Variants in SPATA17 observed in about 807,000 individuals in gnomAD.
SPATA17 encodes the protein spermatogenesis-associated protein 17.
SPATA17 carries 53 observed loss-of-function variants against 62.2 expected under a neutral mutation model. That is an observed-to-expected ratio of 0.85 (90% CI 0.68 to 1.07). The LOEUF is 1.07. SPATA17 is among the 50% of genes least tolerant of loss of function. The pLI is 0.00. For synonymous variants in SPATA17, 146 were observed against 146.8 expected (o/e 0.99, Z 0.04); for missense variants, 466 against 425.5 (o/e 1.10, Z -0.84).
intron 8 of SPATA17, among the ~76,000 whole-genome samples, chr1:217,788,443 A>G (rs990101742): frequency 6.6e-6 from 1 of 152,188 alleles, no homozygotes; most frequent in Non-Finnish European, 1.5e-5. Context: ...CTTATATAAT[A>G]AAAAGGTCTT....
chr1:217,799,034 A>G (rs907493608), intron 8 of SPATA17, among the ~76,000 whole-genome samples: 1 of 152,124 alleles, frequency 6.6e-6, no homozygotes, highest in Non-Finnish European at 1.5e-5. Flanking sequence ...TTTACTATAA[A>G]TCAAAGTGAT....
rs1669774133 is a variant in SPATA17 at position 217,631,543 on chromosome 1, C to G, written c.68+97C>G. On this transcript the variant is annotated intron_variant, in intron 1 of 10. Coordinates refer to ENST00000366933, the MANE Select transcript of SPATA17 (RefSeq NM_138796.4). Reference sequence around the variant, plus strand: ...TCCAATTAACGATTTAACGATTACCCTAATTCATTAAGTAGTACCCAATTC... The same window carrying G: ...TCCAATTAACGATTTAACGATTACCGTAATTCATTAAGTAGTACCCAATTC... The G allele has an allele frequency of 3.9e-6, 5 of 1,297,892 alleles. No homozygotes were observed. The South Asian group carries it at 6.1e-5, about 16-fold the overall frequency. 80.4% of individuals were successfully genotyped at this position (1,297,892 alleles called of 1,614,324 possible).
chr1:217,653,955 G>A (rs1037411201), intron 3 of SPATA17, among the ~76,000 whole-genome samples: 1 of 151,850 alleles, frequency 6.6e-6, no homozygotes, highest in African/African-American at 2.4e-5. Flanking sequence ...GGGTCCATTT[G>A]TCTCACAGGT....
In SPATA17 at chr1:217,854,640, T is replaced by G. The variant is rs554391841; in HGVS notation, c.1006-8134T>G. On this transcript the variant is annotated intron_variant, in intron 9 of 10. Coordinates refer to ENST00000366933, the MANE Select transcript of SPATA17 (RefSeq NM_138796.4). ...CCCTGATTTCTATCATTCCCCCAAATACTTTGAAACCCAGGTAATTGAATG... is the reference window on the plus strand; with the variant it reads ...CCCTGATTTCTATCATTCCCCCAAAGACTTTGAAACCCAGGTAATTGAATG... 5.3e-5 allele frequency among the ~76,000 whole-genome samples: 8 copies of G among 152,234 alleles called. No homozygotes were observed. The South Asian group carries it at 1.7e-3, about 32-fold the overall frequency.
chr1:217,669,545 A>G (rs10863335), intron 4 of SPATA17, among the ~76,000 whole-genome samples: 26,729 of 152,126 alleles, frequency 0.18, 3,294 homozygotes, highest in East Asian at 0.58. Context: ...TTAATGTGTT[A>G]TTTTCCTAAT....
chr1:217,774,910 T>G (rs933505692), intron 7 of SPATA17, among the ~76,000 whole-genome samples: 22 of 152,350 alleles, frequency 1.4e-4, no homozygotes, highest in African/African-American at 5.1e-4. Context: ...CATTTGGCAT[T>G]TGAGTTGCGA....
At position 217,683,264 on chromosome 1, in the gene SPATA17, A is replaced by G; in HGVS notation, c.298A>G (p.Arg100Gly). Reference sequence around the variant, plus strand: ...TCTTTATTTACTTTAATAGATTCAGAGACGATGGCGAGGCTATAGGGTTCG... The same window carrying G: ...TCTTTATTTACTTTAATAGATTCAGGGACGATGGCGAGGCTATAGGGTTCG... ...LYNAMAVRIQ[R>G]RWRGYRVRKY... is the part of the protein sequence containing the mutation. Residue 100 changes from arginine to glycine, a missense_variant, in exon 5 of 11, where the codon AGA (arginine) becomes GGA (glycine). Physicochemically the swap from Arg to Gly is moderately radical, Grantham distance 125 (BLOSUM62 -2). Coordinates refer to ENST00000366933, the MANE Select transcript of SPATA17 (RefSeq NM_138796.4). The G allele has an allele frequency of 6.3e-7, 1 of 1,599,088 alleles. No homozygotes were observed. Among genetic ancestry groups the G allele is most frequent in the South Asian group, 1.1e-5 (1 of 88,886 alleles).
chr1:217,723,857 A>G (rs1672196903), intron 5 of SPATA17, among the ~76,000 whole-genome samples: 1 of 152,240 alleles, frequency 6.6e-6, no homozygotes, highest in Non-Finnish European at 1.5e-5. Context: ...AGATTTTCCC[A>G]GGCAATCACC....
intron 9 of SPATA17, among the ~76,000 whole-genome samples, chr1:217,862,084 C>T (rs575641534): frequency 6.6e-6 from 1 of 151,510 alleles, no homozygotes; most frequent in Admixed American, 6.6e-5. Context: ...AAAAAAAACT[C>T]AGCCAAAATT....
intron 4 of SPATA17, among the ~76,000 whole-genome samples, chr1:217,680,548 A>G (rs910254378): frequency 6.6e-6 from 1 of 152,112 alleles, no homozygotes; most frequent in Non-Finnish European, 1.5e-5. Context: ...GATCTGGCAA[A>G]TAAGATCACT....
chr1:217,870,076 TA>T lies in SPATA17; in HGVS notation c.*3059del, dbSNP rs1403033092. 1.3e-5 allele frequency: 2 copies of T among 152,152 alleles called. No homozygotes were observed. Among genetic ancestry groups the T allele is most frequent in the Admixed American group, 6.6e-5 (1 of 15,256 alleles). The allele number at this position is 152,152 out of a possible 1,614,324, so 9.4% of individuals were successfully genotyped here. A position where few individuals can be genotyped will look rare whatever the true frequency, so the allele number is the denominator to read the frequency against. ...AAGTTCTTGGTTGTTTCTAAACTTA[TA>T]ACAAAATAAATAATTGGCCATCTTC... On this transcript the variant is annotated 3_prime_UTR_variant, in exon 11 of 11. Coordinates refer to ENST00000366933, the MANE Select transcript of SPATA17 (RefSeq NM_138796.4).
intron 1 of SPATA17, among the ~76,000 whole-genome samples, chr1:217,636,280 T>G (rs1285731774): frequency 3.3e-5 from 5 of 152,218 alleles, no homozygotes; most frequent in African/African-American, 9.6e-5. Context: ...TTCTTCCTAA[T>G]GGCTAGCATC....
chr1:217,774,084 G>C (rs1378574668), intron 6 of SPATA17, among the ~76,000 whole-genome samples: 2 of 152,154 alleles, frequency 1.3e-5, no homozygotes, highest in Non-Finnish European at 2.9e-5. Context: ...ATAGGAACTT[G>C]AGCTCACTAG....
At chr1:217,830,568 T>G (rs927548700) in intron 9 of SPATA17, among the ~76,000 whole-genome samples, 6 of 152,144 alleles carry the variant, frequency 3.9e-5, no homozygotes, top group Non-Finnish European at 7.4e-5. Flanking sequence ...TAACTGAGTA[T>G]TTTCCAAATT....
At chr1:217,758,004 G>A (rs1398669224) in intron 6 of SPATA17, among the ~76,000 whole-genome samples, 1 of 152,076 alleles carries the variant, frequency 6.6e-6, no homozygotes, top group Non-Finnish European at 1.5e-5. Context: ...GGTACTGGGG[G>A]CCAGCTAGAT....
chr1:217,850,459 T>C (rs1675622568), intron 9 of SPATA17: 9 of 1,331,868 alleles, frequency 6.8e-6, no homozygotes, highest in Non-Finnish European at 9.3e-6. Flanking sequence ...CTGGATGTTG[T>C]AGTCAGAAAG....
At position 217,744,304 on chromosome 1, in the gene SPATA17, T is replaced by C. The variant is rs1672698311; in HGVS notation, c.519+2206T>C. Among the ~76,000 whole-genome samples, 2 of 96,044 alleles carry C rather than the reference T, an allele frequency of 2.1e-5. 1 individual carries two copies. Among genetic ancestry groups the C allele is most frequent in the African/African-American group, 6.3e-5 (2 of 31,622 alleles). The allele number at this position is 96,044 out of a possible 152,430, so 63.0% of individuals were successfully genotyped here. A position where few individuals can be genotyped will look rare whatever the true frequency, so the allele number is the denominator to read the frequency against. The stretch of plus-strand genomic sequence containing the variant: ...GGTGAAACCCCGTCTCTACTAAAAA[T>C]ACAAAAAAATTAGCCGGGCGTAGTG... On this transcript the variant is annotated intron_variant, in intron 6 of 10. Coordinates refer to ENST00000366933, the MANE Select transcript of SPATA17 (RefSeq NM_138796.4).
intron 6 of SPATA17, among the ~76,000 whole-genome samples, chr1:217,768,885 T>C (rs1673367535): frequency 6.6e-6 from 1 of 152,188 alleles, no homozygotes; most frequent in Non-Finnish European, 1.5e-5. Flanking sequence ...CAAAAGTTAT[T>C]AGAGGGCGCT....
chr1:217,813,013 T>A (rs904603855), intron 9 of SPATA17, among the ~76,000 whole-genome samples: 7 of 152,250 alleles, frequency 4.6e-5, no homozygotes, highest in African/African-American at 1.7e-4. Context: ...TATTTTCACA[T>A]GCATTTTGGT....
Sources: allele counts gnomAD v4.1 joint callset (sites outside exome capture counted in the v4.1 genomes callset), GRCh38; gene constraint gnomAD v4.1.1; transcripts MANE v1.5; gene names NCBI Gene and HGNC (gene_info 2026-07-23, HGNC 2026-07-21).